Variants in AKR1D1 observed in about 807,000 individuals in gnomAD.
The protein encoded by AKR1D1 is aldo-keto reductase family 1 member D1, also known as delta(4)-3-ketosteroid 5-beta-reductase.
In AKR1D1, 32 loss-of-function variants were observed where a neutral mutation model predicts 42.6. The observed-to-expected ratio is 0.75, with a 90% confidence interval of 0.57 to 1.01. The LOEUF is 1.01. Ranked by LOEUF, AKR1D1 falls within the 50% of genes least tolerant of loss-of-function variation. The pLI is 0.00. For synonymous variants in AKR1D1, 123 were observed against 135.5 expected (o/e 0.91, Z 0.64); for missense variants, 364 against 402.2 (o/e 0.91, Z 0.81).
Position 138,116,915 on chromosome 7 carries a change from C to A in AKR1D1, c.*253C>A. The A allele has an allele frequency of 2.2e-6, 1 of 451,722 alleles. No individual in the cohort carries two copies. The highest frequency in any genetic ancestry group is 4.0e-5 in the South Asian group (1 of 25,304). The allele number at this position is 451,722 out of a possible 1,614,324, so 28.0% of individuals were successfully genotyped here. A position where few individuals can be genotyped will look rare whatever the true frequency, so the allele number is the denominator to read the frequency against. On this transcript the variant is annotated 3_prime_UTR_variant, in exon 9 of 9. Coordinates refer to ENST00000242375, the MANE Select transcript of AKR1D1 (RefSeq NM_005989.4). ...TTTTCAGATCAGTATCTTCTAGATT[C>A]CAGACAGAAAAAAATTACACTTCAG...
chr7:138,099,436 G>T (rs1794247540), intron 4 of AKR1D1, among the ~76,000 whole-genome samples: 1 of 151,946 alleles, frequency 6.6e-6, no homozygotes, highest in African/African-American at 2.4e-5. Context: ...CATAAGAAAA[G>T]ATATTAGCAA....
At chr7:138,091,220 T>C (rs915571007) in intron 2 of AKR1D1, 1 of 158,988 alleles carries the variant, frequency 6.3e-6, no homozygotes, top group Non-Finnish European at 1.4e-5. Flanking sequence ...TTGCATAAAA[T>C]TATGTCTGGA....
At chr7:138,090,061 G>A (rs1794032915) in intron 2 of AKR1D1, among the ~76,000 whole-genome samples, 2 of 152,142 alleles carry the variant, frequency 1.3e-5, no homozygotes, top group Admixed American at 1.3e-4. Flanking sequence ...CTAATACTAT[G>A]TATGTTTGTT....
At chr7:138,077,602 T>C (rs1346502122) in intron 1 of AKR1D1, among the ~76,000 whole-genome samples, 1 of 152,228 alleles carries the variant, frequency 6.6e-6, no homozygotes, top group African/African-American at 2.4e-5. Context: ...TAAAACATAG[T>C]AAAGTTTCAG....
At position 138,100,111 on chromosome 7, in the gene AKR1D1, A is replaced by AAAAAAAAAAC. The variant is rs1562935392; in HGVS notation, c.456+2175_456+2176insAACAAAAAAA. 3.1e-4 allele frequency among the ~76,000 whole-genome samples: 40 copies of AAAAAAAAAAC among 127,600 alleles called. 1 individual carries two copies. Among genetic ancestry groups the AAAAAAAAAAC allele is most frequent in the African/African-American group, 1.1e-3 (37 of 33,006 alleles). The allele number at this position is 127,600 out of a possible 152,430, so 83.7% of individuals were successfully genotyped here. The stretch of plus-strand genomic sequence containing the variant: ...CTCAAAAAAAAAAAAAAAAAAAAAA[A>AAAAAAAAAAC]AAAAAAACATAAAGAGAAAATGTTA... On this transcript the variant is annotated intron_variant, in intron 4 of 8. Coordinates refer to ENST00000242375, the MANE Select transcript of AKR1D1 (RefSeq NM_005989.4).
chr7:138,112,024 T>C (rs1794546118), intron 7 of AKR1D1, among the ~76,000 whole-genome samples: 1 of 152,298 alleles, frequency 6.6e-6, no homozygotes, highest in East Asian at 1.9e-4. Context: ...TCTATCAAAG[T>C]AGATTTTTAA....
intron 7 of AKR1D1, among the ~76,000 whole-genome samples, chr7:138,112,691 G>A (rs950453429): frequency 2.6e-5 from 4 of 151,628 alleles, no homozygotes; most frequent in Admixed American, 1.3e-4. Context: ...TGCAAAGAGC[G>A]TATATTTATG....
intron 7 of AKR1D1, among the ~76,000 whole-genome samples, chr7:138,111,160 CCT>C (rs754892264): frequency 2.6e-5 from 4 of 152,166 alleles, no homozygotes; most frequent in Non-Finnish European, 5.9e-5. Context: ...CAAACATCCC[CCT>C]CTCTTTCCTA....
At chr7:138,103,849 C>T (rs115423417) in intron 4 of AKR1D1, among the ~76,000 whole-genome samples, 2,834 of 152,118 alleles carry the variant, frequency 0.019, 96 homozygotes, top group African/African-American at 0.065. Context: ...TGACAGAATA[C>T]AGGAGGACAT....
At chr7:138,108,878 T>C (rs1293229684) in intron 7 of AKR1D1, among the ~76,000 whole-genome samples, 1 of 152,218 alleles carries the variant, frequency 6.6e-6, no homozygotes, top group East Asian at 1.9e-4. Context: ...CACTCCACAA[T>C]TTATATGTAT....
intron 7 of AKR1D1, among the ~76,000 whole-genome samples, chr7:138,109,995 T>A (rs578184956): frequency 6.6e-6 from 1 of 151,930 alleles, no homozygotes; most frequent in East Asian, 1.9e-4. Flanking sequence ...GCCTTGATAA[T>A]AAAAGAATGG....
intron 4 of AKR1D1, among the ~76,000 whole-genome samples, chr7:138,099,706 A>G (rs13243510): frequency 6.6e-6 from 1 of 152,124 alleles, no homozygotes; most frequent in East Asian, 1.9e-4. Flanking sequence ...AAGAAAAAAT[A>G]AAAGGAAACA....
At chr7:138,083,309 T>C (rs1031324048) in intron 1 of AKR1D1, among the ~76,000 whole-genome samples, 1 of 152,352 alleles carries the variant, frequency 6.6e-6, no homozygotes, top group African/African-American at 2.4e-5. Flanking sequence ...TATTGATATT[T>C]ATATACCTAT....
At chr7:138,100,721 T>TTG (rs1794287050) in intron 4 of AKR1D1, among the ~76,000 whole-genome samples, 1 of 145,184 alleles carries the variant, frequency 6.9e-6, no homozygotes, top group Non-Finnish European at 1.5e-5. Context: ...TTTTTTTTTT[T>TTG]TGAGGCGGAG....
chr7:138,108,755 G>C (rs1040331967), intron 7 of AKR1D1, among the ~76,000 whole-genome samples: 1 of 152,160 alleles, frequency 6.6e-6, no homozygotes, highest in Non-Finnish European at 1.5e-5. Context: ...GTCTATAGTT[G>C]ATGATGATAT....
intron 5 of AKR1D1, among the ~76,000 whole-genome samples, chr7:138,105,721 T>C (rs1215440437): frequency 2.0e-5 from 3 of 152,040 alleles, no homozygotes; most frequent in Non-Finnish European, 4.4e-5. Context: ...ACCCCGTCTG[T>C]ACTAAAAATA....
intron 5 of AKR1D1, 151 bp from the exon 6 acceptor site, chr7:138,106,457 T>C (rs959733329): frequency 8.7e-6 from 6 of 689,572 alleles, no homozygotes; most frequent in East Asian, 8.2e-5. Flanking sequence ...GAACAAGATA[T>C]GAAGGGACAG....
At chr7:138,095,070 CT>C (rs2117440978) in intron 3 of AKR1D1, among the ~76,000 whole-genome samples, 1 of 152,170 alleles carries the variant, frequency 6.6e-6, no homozygotes, top group East Asian at 1.9e-4. Context: ...GACAAAGAGG[CT>C]TATCGGGATG....
chr7:138,087,583 A>G (rs533327556), intron 1 of AKR1D1, among the ~76,000 whole-genome samples: 7 of 152,320 alleles, frequency 4.6e-5, no homozygotes, highest in Non-Finnish European at 8.8e-5. Context: ...AAAGTATACA[A>G]TTTGAAGAGT....
Sources: gnomAD v4.1 joint callset for allele counts (sites outside exome capture counted in the v4.1 genomes callset) on GRCh38, gnomAD v4.1.1 for gene constraint, MANE v1.5 for transcripts, NCBI Gene and HGNC (gene_info 2026-07-23, HGNC 2026-07-21) for gene names.